The following CRPPA variants were observed in gnomAD, a reference collection of about 807,000 sequenced individuals.
CRPPA encodes the protein CDP-L-ribitol pyrophosphorylase A, also known as D-ribitol-5-phosphate cytidylyltransferase.
Under a neutral mutation model 52.0 loss-of-function variants are expected in CRPPA, and 43 were observed. The ratio of observed to expected loss-of-function variants is 0.83; its 90% confidence interval spans 0.65 to 1.07. CRPPA has a LOEUF of 1.07. Among genes scored for constraint, CRPPA ranks in the 50% least tolerant of loss-of-function variants. CRPPA has a pLI of 0.00. For synonymous variants in CRPPA, 250 were observed against 203.5 expected (o/e 1.23, Z -1.94); for missense variants, 629 against 551.7 (o/e 1.14, Z -1.40).
intron 9 of CRPPA, among the ~76,000 whole-genome samples, chr7:16,116,591 G>C (rs946388314): frequency 1.4e-5 from 2 of 142,114 alleles, no homozygotes; most frequent in Admixed American, 1.5e-4. Flanking sequence ...GAACCCAGGA[G>C]ATGGAGGTTG....
chr7:16,218,221 C>G (rs967748779), intron 8 of CRPPA, among the ~76,000 whole-genome samples: 11 of 142,880 alleles, frequency 7.7e-5, no homozygotes, highest in Middle Eastern at 3.3e-3. Flanking sequence ...AAATAAAATA[C>G]TTTACAGACA....
intron 3 of CRPPA, among the ~76,000 whole-genome samples, chr7:16,342,156 T>C (rs1785862651): frequency 1.3e-5 from 2 of 152,192 alleles, no homozygotes; most frequent in Admixed American, 1.3e-4. Flanking sequence ...ATTTCACAAG[T>C]GACCCTCTGA....
chr7:16,408,242 A>G (rs903951008), intron 1 of CRPPA, among the ~76,000 whole-genome samples: 6 of 152,230 alleles, frequency 3.9e-5, no homozygotes, highest in Admixed American at 2.6e-4. Flanking sequence ...GAAGAAGTCC[A>G]CGTTCAAGAC....
intron 2 of CRPPA, among the ~76,000 whole-genome samples, chr7:16,384,895 G>C (rs1787214303): frequency 6.6e-6 from 1 of 152,110 alleles, no homozygotes; most frequent in South Asian, 2.1e-4. Flanking sequence ...CCTCAAATCA[G>C]AATCAGCTAT....
At chr7:16,303,491 A>AGAAAAAAAAAC in intron 4 of CRPPA, among the ~76,000 whole-genome samples, 1 of 125,026 alleles carries the variant, frequency 8.0e-6, no homozygotes, top group East Asian at 2.4e-4. Context: ...AAAAAAAAAA[A>AGAAAAAAAAAC]AAAAAAAAAA....
At chr7:16,242,043 G>C (rs1228427486) in intron 8 of CRPPA, among the ~76,000 whole-genome samples, 1 of 129,586 alleles carries the variant, frequency 7.7e-6, no homozygotes, top group Non-Finnish European at 1.6e-5. Context: ...ACTGCCCCCC[G>C]GGTTCCAGCG....
intron 2 of CRPPA, among the ~76,000 whole-genome samples, chr7:16,388,939 G>A (rs891607595): frequency 6.6e-6 from 1 of 152,030 alleles, no homozygotes; most frequent in Non-Finnish European, 1.5e-5. Flanking sequence ...AAATCGGAAG[G>A]TAGTGACATT....
rs551170321 is a variant in CRPPA at position 16,247,947 on chromosome 7, A to C, written c.1119+10443T>G. The C allele has an allele frequency of 1.8e-4, 27 of 152,248 alleles. No individual in the cohort carries two copies. The East Asian group carries it at 4.2e-3, about 24-fold the overall frequency. The allele number at this position is 152,248 out of a possible 1,614,324, so 9.4% of individuals were successfully genotyped here. The stretch of plus-strand genomic sequence containing the variant: ...CATTCACTGGGACACACGAGATGGA[A>C]CTCAATAGAAGTCAAGAGAAAACTA... On this transcript the variant is annotated intron_variant, in intron 8 of 9. Coordinates refer to ENST00000407010, the MANE Select transcript of CRPPA (RefSeq NM_001101426.4).
chr7:16,226,525 T>C (rs905037848), intron 8 of CRPPA, among the ~76,000 whole-genome samples: 1 of 151,870 alleles, frequency 6.6e-6, no homozygotes, highest in Admixed American at 6.6e-5. Context: ...ACAAGTGCAC[T>C]GTACACTTGA....
intron 9 of CRPPA, among the ~76,000 whole-genome samples, chr7:16,117,560 G>A (rs1241726218): frequency 6.6e-6 from 1 of 152,160 alleles, no homozygotes; most frequent in Admixed American, 6.5e-5. Flanking sequence ...CTGCAAAACT[G>A]CACACACCTT....
rs180876725 is a variant in CRPPA at position 16,405,128 on chromosome 7, C to T, written c.534+933G>A. The stretch of plus-strand genomic sequence containing the variant: ...GGAAAAAAAAAAAAGCTTCTGGGCA[C>T]CCAGATGGCTAGGAAGGCTTGCTTC... On this transcript the variant is annotated intron_variant, in intron 2 of 9. Coordinates refer to ENST00000407010, the MANE Select transcript of CRPPA (RefSeq NM_001101426.4). Among the ~76,000 whole-genome samples, 319 of 151,850 alleles carry T rather than the reference C, an allele frequency of 2.1e-3. 8 individuals are homozygous for T. The highest frequency in any genetic ancestry group is 0.021 in the Admixed American group (315 of 15,254).
chr7:16,400,881 A>G (rs1049572229), intron 2 of CRPPA, among the ~76,000 whole-genome samples: 9 of 152,228 alleles, frequency 5.9e-5, no homozygotes, highest in Non-Finnish European at 1.0e-4. Context: ...TACAACTGCT[A>G]AATGAAGAGA....
chr7:16,408,592 A>C (rs1452330458), intron 1 of CRPPA, among the ~76,000 whole-genome samples: 1 of 152,226 alleles, frequency 6.6e-6, no homozygotes, highest in Admixed American at 6.5e-5. Flanking sequence ...AGTCAGGGCA[A>C]AAACCAATAC....
At chr7:16,192,126 A>G (rs1781627322) in intron 9 of CRPPA, among the ~76,000 whole-genome samples, 1 of 152,158 alleles carries the variant, frequency 6.6e-6, no homozygotes, top group South Asian at 2.1e-4. Context: ...TTAGTAAATG[A>G]AATCCAATGA....
intron 2 of CRPPA, among the ~76,000 whole-genome samples, chr7:16,396,325 C>T (rs1460176546): frequency 2.0e-5 from 3 of 152,152 alleles, no homozygotes; most frequent in Non-Finnish European, 4.4e-5. Context: ...GTTCAAAAAT[C>T]TGCCAACTGA....
At chr7:16,342,425 G>T (rs952277775) in intron 3 of CRPPA, among the ~76,000 whole-genome samples, 9 of 152,060 alleles carry the variant, frequency 5.9e-5, no homozygotes, top group African/African-American at 2.2e-4. Context: ...GGTCAAAACA[G>T]GCACAAACTT....
At chr7:16,312,479 T>C (rs1248392061) in intron 3 of CRPPA, among the ~76,000 whole-genome samples, 1 of 152,030 alleles carries the variant, frequency 6.6e-6, no homozygotes, top group African/African-American at 2.4e-5. Context: ...TTTCTAATAC[T>C]GTCCCTTAAT....
At chr7:16,272,795 T>G (rs1784118392) in intron 6 of CRPPA, among the ~76,000 whole-genome samples, 1 of 152,156 alleles carries the variant, frequency 6.6e-6, no homozygotes, top group African/African-American at 2.4e-5. Context: ...GAGACCATTT[T>G]GAATCAACTA....
At chr7:16,288,538 A>T (rs922097134) in intron 5 of CRPPA, among the ~76,000 whole-genome samples, 12 of 152,092 alleles carry the variant, frequency 7.9e-5, no homozygotes, top group African/African-American at 2.2e-4. Flanking sequence ...ACAACTAAAC[A>T]AAATAAAGAC....
Sources: allele counts gnomAD v4.1 joint callset (sites outside exome capture counted in the v4.1 genomes callset), GRCh38; gene constraint gnomAD v4.1.1; transcripts MANE v1.5; gene names NCBI Gene and HGNC (gene_info 2026-07-23, HGNC 2026-07-21).